The following VPS45 variants were observed in gnomAD, a reference collection of about 807,000 sequenced individuals.
The protein encoded by VPS45 is vacuolar protein sorting 45 homolog.
In VPS45, 35 loss-of-function variants were observed where a neutral mutation model predicts 75.9. That is an observed-to-expected ratio of 0.46 (90% CI 0.35 to 0.61). VPS45 has a LOEUF of 0.61. VPS45 is among the 20% of genes least tolerant of loss of function. The pLI, the probability that VPS45 is intolerant of heterozygous loss-of-function variation, is 0.00. For missense variants in VPS45, 559 were observed against 685.9 expected, an observed-to-expected ratio of 0.81 and a Z score of 2.07; for synonymous variants, 220 against 238.2, an observed-to-expected ratio of 0.92 and a Z score of 0.70.
chr1:150,083,809 G>A (rs1655858886), intron 10 of VPS45, among the ~76,000 whole-genome samples: 1 of 151,902 alleles, frequency 6.6e-6, no homozygotes, highest in Admixed American at 6.6e-5. Flanking sequence ...CTGAAGCCAG[G>A]TTATGGCCAT....
At chr1:150,137,950 C>G (rs1659200138) in intron 14 of VPS45, among the ~76,000 whole-genome samples, 2 of 148,658 alleles carry the variant, frequency 1.3e-5, no homozygotes, top group Non-Finnish European at 3.0e-5. Context: ...TTGAAATATC[C>G]TGCTATGTTC....
chr1:150,076,822 G>A, intron 4 of VPS45, 94 bp from the exon 5 acceptor site: 1 of 1,400,698 alleles, frequency 7.1e-7, no homozygotes, highest in Non-Finnish European at 1.0e-6. Flanking sequence ...ATTTCACAAA[G>A]TTTGGCTATA....
rs1656349407 is a variant in VPS45, at chr1:150,092,011, A to G, written c.1179A>G (p.Leu393=). The G allele has an allele frequency of 6.2e-7, 1 of 1,614,022 alleles. No homozygotes were observed. Among genetic ancestry groups the G allele is most frequent in the Non-Finnish European group, 8.5e-7 (1 of 1,180,034 alleles). Residue 393 remains leucine, a synonymous_variant, in exon 11 of 15, where the codon TTA becomes TTG. Coordinates refer to ENST00000644510, the MANE Select transcript of VPS45 (RefSeq NM_007259.5). ...CCCGCCTGGTGATGCTTTATGCTTTACATTATGAGCGACACAGCAGCAATA... is the reference window on the plus strand; with the variant it reads ...CCCGCCTGGTGATGCTTTATGCTTTGCATTATGAGCGACACAGCAGCAATA... ...DAARLVMLYA[L]HYERHSSNSL...
intron 14 of VPS45, among the ~76,000 whole-genome samples, chr1:150,112,293 G>A (rs1321492744): frequency 6.6e-6 from 1 of 151,662 alleles, no homozygotes. Context: ...AAGTTTTGTT[G>A]TTATTACTTT....
intron 13 of VPS45, among the ~76,000 whole-genome samples, chr1:150,104,789 T>C (rs1052912070): frequency 1.3e-5 from 2 of 152,152 alleles, no homozygotes; most frequent in Non-Finnish European, 2.9e-5. Flanking sequence ...AGTTGGGGTC[T>C]CACAATGTTG....
intron 14 of VPS45, among the ~76,000 whole-genome samples, chr1:150,135,421 C>T (rs1553813372): frequency 6.6e-6 from 1 of 151,876 alleles, no homozygotes; most frequent in Non-Finnish European, 1.5e-5. Flanking sequence ...TACCACCACA[C>T]CTGGCTAATT....
At position 150,082,009 on chromosome 1, in the gene VPS45, A is replaced by G; in HGVS notation, c.936+12A>G. On this transcript the variant is annotated intron_variant, in intron 9 of 14. Transcript: ENST00000644510. ...TAGCAGACATGAAGGTAAATTGAAC[A>G]TGTACATGAATGACAAACATGTGAC... 1 of 1,502,144 alleles carries G rather than the reference A, an allele frequency of 6.7e-7. No homozygotes were observed. Among genetic ancestry groups the G allele is most frequent in the Non-Finnish European group, 9.2e-7 (1 of 1,083,368 alleles). 93.1% of individuals were successfully genotyped at this position (1,502,144 alleles called of 1,614,324 possible).
intron 13 of VPS45, 70 bp downstream of exon 13, chr1:150,093,718 A>G: frequency 1.9e-6 from 3 of 1,555,324 alleles, no homozygotes; most frequent in Non-Finnish European, 2.6e-6. Flanking sequence ...GAGTAATGTT[A>G]AGGACTAAAG....
chr1:150,098,578 A>G (rs1553803537), intron 13 of VPS45, among the ~76,000 whole-genome samples: 1 of 152,186 alleles, frequency 6.6e-6, no homozygotes, highest in Non-Finnish European at 1.5e-5. Context: ...AGAGTCCTTG[A>G]TTATAGTGGT....
At chr1:150,082,969 A>G in intron 10 of VPS45, 86 bp downstream of exon 10, 1 of 1,346,994 alleles carries the variant, frequency 7.4e-7, no homozygotes, top group South Asian at 1.5e-5. Flanking sequence ...ATCCTTCTTC[A>G]TCAACATGGA....
intron 3 of VPS45, 37 bp downstream of exon 3, chr1:150,072,263 A>G (rs782313970): frequency 2.0e-6 from 3 of 1,475,286 alleles, no homozygotes; most frequent in Admixed American, 1.7e-5. Flanking sequence ...ACATGTAACA[A>G]CATCCCAGTT....
intron 14 of VPS45, among the ~76,000 whole-genome samples, chr1:150,136,530 G>A (rs146027089): frequency 0.022 from 3,271 of 152,072 alleles, 96 homozygotes; most frequent in African/African-American, 0.074. Context: ...ACTCCAGCCT[G>A]GACAACGAGA....
chr1:150,072,172 G>C lies in VPS45; in HGVS notation c.235G>C (p.Val79Leu). The C allele has an allele frequency of 6.2e-7, 1 of 1,605,824 alleles. No individual in the cohort carries two copies. The highest frequency in any genetic ancestry group is 8.5e-7 in the Non-Finnish European group (1 of 1,175,684). ...CTTGTTCTTCATTTTCTAGGAGAAT[G>C]TGGATTATATTATTCAGGAGCTCCG... Reference protein sequence around the residue: ...ICFLRPTKENVDYIIQELRRP... With the variant: ...ICFLRPTKENLDYIIQELRRP... Residue 79 changes from valine to leucine, a missense_variant, in exon 3 of 15, where the codon GTG becomes CTG. Transcript: ENST00000644510.
At chr1:150,137,936 C>T (rs913073373) in intron 14 of VPS45, among the ~76,000 whole-genome samples, 1 of 78,316 alleles carries the variant, frequency 1.3e-5, no homozygotes, top group Admixed American at 1.3e-4. Flanking sequence ...AAAAAAAAAA[C>T]AGTTTGAAAT....
chr1:150,140,559 A>G (rs1213763626), intron 14 of VPS45, among the ~76,000 whole-genome samples: 9 of 151,974 alleles, frequency 5.9e-5, no homozygotes, highest in African/African-American at 1.7e-4. Context: ...ATTGGAATAT[A>G]AATTCCATGA....
At chr1:150,131,344 A>G (rs1381209180) in intron 14 of VPS45, among the ~76,000 whole-genome samples, 1 of 152,046 alleles carries the variant, frequency 6.6e-6, no homozygotes, top group Non-Finnish European at 1.5e-5. Context: ...CCCCATCTCT[A>G]CTATAAATAC....
chr1:150,126,316 T>C (rs1553810716), intron 14 of VPS45, among the ~76,000 whole-genome samples: 1 of 151,770 alleles, frequency 6.6e-6, no homozygotes, highest in African/African-American at 2.4e-5. Flanking sequence ...GTTCACGCCA[T>C]TGTCCTGCCT....
At chr1:150,120,088 A>G (rs1483831248) in intron 14 of VPS45, among the ~76,000 whole-genome samples, 5 of 137,940 alleles carry the variant, frequency 3.6e-5, no homozygotes, top group African/African-American at 1.4e-4. Flanking sequence ...AGCCTGGGCA[A>G]CAAGAGTGAA....
intron 14 of VPS45, 34 bp downstream of exon 14, chr1:150,110,661 T>C (rs1301184326): frequency 1.3e-6 from 2 of 1,550,114 alleles, no homozygotes; most frequent in East Asian, 2.3e-5. Context: ...AACTGTGTCC[T>C]CTTTCCCAGA....
Sources: allele counts gnomAD v4.1 joint callset (sites outside exome capture counted in the v4.1 genomes callset), GRCh38; gene constraint gnomAD v4.1.1; transcripts MANE v1.5; gene names NCBI Gene and HGNC (gene_info 2026-07-23, HGNC 2026-07-21).